GIGYF1: variants seen among roughly 807,000 people sequenced by gnomAD.
The protein encoded by GIGYF1 is GRB10 interacting GYF protein 1.
Under a neutral mutation model 147.1 loss-of-function variants are expected in GIGYF1, and 84 were observed. The ratio of observed to expected loss-of-function variants is 0.57; its 90% CI spans 0.48 to 0.68. GIGYF1 has a LOEUF of 0.68. Ranked by LOEUF, GIGYF1 falls within the 30% of genes least tolerant of loss-of-function variation. GIGYF1 has a pLI of 0.00. For missense variants in GIGYF1, 1,485 were observed against 1,393.7 expected, an observed-to-expected ratio of 1.07 and a Z score of -1.04; for synonymous variants, 752 against 589.5, an observed-to-expected ratio of 1.28 and a Z score of -3.99.
At chr7:100,686,155 C>T (rs1312825291) in intron 11 of GIGYF1, 25 bp downstream of exon 11, 5 of 1,601,536 alleles carry the variant, frequency 3.1e-6, no homozygotes, top group Non-Finnish European at 4.3e-6. Context: ...AGGGCAGGTT[C>T]CCACCCTCGC....
chr7:100,688,324 G>T lies in GIGYF1; in HGVS notation c.-69-17C>A. On this transcript the variant is annotated splice_polypyrimidine_tract_variant and intron_variant, in intron 3 of 26. Transcript: ENST00000678049. The stretch of plus-strand genomic sequence containing the variant: ...TCCAAACACCTGTGGGGGAACAGGG[G>T]CCATGAAGAACAGCACACGAAGGAG... 8.8e-7 allele frequency: 1 copy of T among 1,131,080 alleles called. No homozygotes were observed. Among genetic ancestry groups the T allele is most frequent in the Non-Finnish European group, 1.3e-6 (1 of 762,836 alleles). 70.1% of individuals were successfully genotyped at this position (1,131,080 alleles called of 1,614,324 possible). A position where few individuals can be genotyped will look rare whatever the true frequency, so the allele number is the denominator to read the frequency against.
At position 100,684,173 on chromosome 7, in the gene GIGYF1, T is replaced by C. The variant is rs747416616; in HGVS notation, c.1731-16A>G. ...GAGCTGGCGGCTGCAAATGGGACAG[T>C]GGAGATGGTGGGCCACAGAGCCAGC... On this transcript the variant is annotated splice_polypyrimidine_tract_variant and intron_variant, in intron 17 of 26. Coordinates refer to ENST00000678049, the MANE Select transcript of GIGYF1 (RefSeq NM_001375765.1). The C allele has an allele frequency of 3.0e-5, 49 of 1,608,986 alleles. No homozygotes were observed. Among genetic ancestry groups the C allele is most frequent in the Non-Finnish European group, 3.7e-5 (44 of 1,179,170 alleles).
At chr7:100,688,402 A>G in intron 3 of GIGYF1, 49 bp downstream of exon 3, 2 of 713,758 alleles carry the variant, frequency 2.8e-6, no homozygotes, top group Admixed American at 2.1e-5. Flanking sequence ...GGGCACAACA[A>G]TGGGCCCCGG....
chr7:100,686,163 C>T lies in GIGYF1; in HGVS notation c.948+17G>A, dbSNP rs200547918. 266 of 1,602,630 alleles carry T rather than the reference C, an allele frequency of 1.7e-4. No individual in the cohort carries two copies. In the Admixed American group the frequency reaches 4.1e-3, roughly 25 times the overall value. On this transcript the variant is annotated intron_variant, in intron 11 of 26. Transcript: ENST00000678049. ...CCCCGGAAGGGCAGGTTCCCACCCTCGCCTCCTCACAGATACCTTGAGAGG... is the reference window on the plus strand; with the variant it reads ...CCCCGGAAGGGCAGGTTCCCACCCTTGCCTCCTCACAGATACCTTGAGAGG...
intron 10 of GIGYF1, 53 bp from the exon 11 acceptor site, chr7:100,686,486 G>C: frequency 6.5e-7 from 1 of 1,534,804 alleles, no homozygotes; most frequent in Non-Finnish European, 8.7e-7. Context: ...CGAAGCCAGC[G>C]GCCCCCTCTG....
rs758582290 is a variant in GIGYF1 at position 100,682,462 on chromosome 7, G to A, written c.2621C>T (p.Ser874Leu). The change falls in exon 24 of 27, where the codon TCG becomes TTG. Residue 874 changes from serine (S) to leucine (L), a missense_variant. Physicochemically the swap from Ser to Leu is moderately radical, Grantham distance 145. Transcript: ENST00000678049. ...CGTCTTTTTGCGAATGGGCCGACCC[G>A]ATAGGTGGCTGTATGAGTCACTGAA... ...PSLSDSYSHL[S>L]GRPIRKKTEE... 11 of 1,612,820 alleles carry A rather than the reference G, an allele frequency of 6.8e-6. No individual in the cohort carries two copies. Among genetic ancestry groups the A allele is most frequent in the East Asian group, 2.2e-5 (1 of 44,876 alleles).
At position 100,684,148 on chromosome 7, in the gene GIGYF1, G is replaced by A. The variant is rs1273713236; in HGVS notation, c.1740C>T (p.Leu580=). 1.9e-6 allele frequency: 3 copies of A among 1,608,572 alleles called. No individual in the cohort carries two copies. Among genetic ancestry groups the A allele is most frequent in the East Asian group, 2.2e-5 (1 of 44,866 alleles). ...CCTTTTCTCGGAGCGCGCACTGTGG[G>A]AGCTGGCGGCTGCAAATGGGACAGT... ...QFLQLVSSRQ[L]PQCALREKAA... Residue 580 remains leucine, a synonymous_variant, in exon 18 of 27, where the codon CTC becomes CTT. Transcript: ENST00000678049.
At position 100,692,428 on chromosome 7, in the gene GIGYF1, A is replaced by G. The variant is rs114328852; in HGVS notation, c.-1099+1682T>C. ...GACAGCGTGCCCCGACATCCTTGAC[A>G]CTATGCAAGACTGGAGGTGCGCACG... On this transcript the variant is annotated intron_variant, in intron 1 of 26. Coordinates refer to ENST00000678049, the MANE Select transcript of GIGYF1 (RefSeq NM_001375765.1). Among the ~76,000 whole-genome samples, 839 of 152,328 alleles carry G rather than the reference A, an allele frequency of 5.5e-3. 8 individuals carry two copies. The highest frequency in any genetic ancestry group is 0.019 in the African/African-American group (775 of 41,572).
At position 100,683,084 on chromosome 7, in the gene GIGYF1, C is replaced by T. The variant is rs1181744351; in HGVS notation, c.2340G>A (p.Glu780=). The T allele has an allele frequency of 6.3e-7, 1 of 1,586,140 alleles. No individual in the cohort carries two copies. ...GCTGTTTGTGCAGCTGCCGCTCGCC[C>T]TCCAGCTGCAACTCCAGGAGCGTCT... is the stretch of plus-strand genomic sequence containing the variant. ...SMKTLLELQL[E]GERQLHKQPP... is the part of the protein sequence containing the mutation. The change falls in exon 22 of 27, where the codon GAG becomes GAA. Residue 780 remains glutamate, a synonymous_variant. Transcript: ENST00000678049.
chr7:100,685,326 G>A lies in GIGYF1; in HGVS notation c.1192+18C>T. 6.3e-7 allele frequency: 1 copy of A among 1,581,140 alleles called. No individual in the cohort carries two copies. The highest frequency in any genetic ancestry group is 2.3e-5 in the East Asian group (1 of 44,426). ...CAGCCCCAGCGCACCCGGGAGGTAG[G>A]CCATCCTCCCTTCCTACCTTCGGCC... On this transcript the variant is annotated intron_variant, in intron 13 of 26. Transcript: ENST00000678049.
At position 100,684,138 on chromosome 7, in the gene GIGYF1, C is replaced by T. The variant is rs776784807; in HGVS notation, c.1750G>A (p.Ala584Thr). The T allele has an allele frequency of 2.9e-5, 47 of 1,608,788 alleles. No individual in the cohort carries two copies. Among genetic ancestry groups the T allele is most frequent in the Middle Eastern group, 1.7e-4 (1 of 6,004 alleles). ...CCCAGAGCTGCCTTTTCTCGGAGCG[C>T]GCACTGTGGGAGCTGGCGGCTGCAA... ...LVSSRQLPQC[A>T]LREKAALGDL... is the part of the protein sequence containing the mutation. Residue 584 changes from alanine to threonine, a missense_variant, in exon 18 of 27, where the codon GCG becomes ACG. Transcript: ENST00000678049.
Position 100,687,508 on chromosome 7 carries a change from G to C in GIGYF1, c.370C>G (p.Arg124Gly). 3.1e-6 allele frequency: 5 copies of C among 1,611,140 alleles called. No homozygotes were observed. Among genetic ancestry groups the C allele is most frequent in the Non-Finnish European group, 4.2e-6 (5 of 1,178,940 alleles). Residue 124 changes from arginine to glycine, a missense_variant, in exon 7 of 27, where the codon CGA becomes GGA. Coordinates refer to ENST00000678049, the MANE Select transcript of GIGYF1 (RefSeq NM_001375765.1). ...GGACACGCCATCACCCCTCTACCTCGGCTCCGCGTGCTGCCCCTGCCTCGG... is the reference window on the plus strand; with the variant it reads ...GGACACGCCATCACCCCTCTACCTCCGCTCCGCGTGCTGCCCCTGCCTCGG... The part of the protein sequence containing the change: ...TSRGRGSTRS[R>G]GRGRGDSCFY...
intron 14 of GIGYF1, 77 bp from the exon 15 acceptor site, chr7:100,684,971 A>G (rs1315538498): frequency 1.3e-6 from 2 of 1,556,198 alleles, no homozygotes; most frequent in African/African-American, 3.5e-5. Context: ...ATGGAGCTTG[A>G]GCTGGGGCCG....
In GIGYF1 at chr7:100,687,496, C is replaced by T. The variant is rs752785998; in HGVS notation, c.373+9G>A. On this transcript the variant is annotated intron_variant, in intron 7 of 26. Transcript: ENST00000678049. ...TGCCCGTCCCCAGGACACGCCATCA[C>T]CCCTCTACCTCGGCTCCGCGTGCTG... 7.5e-6 allele frequency: 12 copies of T among 1,609,960 alleles called. No homozygotes were observed. Among genetic ancestry groups the T allele is most frequent in the Non-Finnish European group, 1.0e-5 (12 of 1,178,024 alleles).
intron 10 of GIGYF1, 92 bp from the exon 11 acceptor site, chr7:100,686,525 G>C: frequency 6.6e-7 from 1 of 1,518,186 alleles, no homozygotes. Context: ...CTCCAGGGCT[G>C]CTGTCCCGGC....
At position 100,681,660 on chromosome 7, in the gene GIGYF1, C is replaced by G. The variant is rs1447243037; in HGVS notation, c.*59G>C. The stretch of plus-strand genomic sequence containing the variant: ...CGGGGAGCCTGCAGGCTGGGACCCT[C>G]GGTCCACGCCGCTGTGGCTGCCCTG... On this transcript the variant is annotated 3_prime_UTR_variant, in exon 27 of 27. Transcript: ENST00000678049. The G allele has an allele frequency of 6.8e-7, 1 of 1,474,432 alleles. No individual in the cohort carries two copies. Among genetic ancestry groups the G allele is most frequent in the Admixed American group, 2.3e-5 (1 of 42,816 alleles). 91.3% of individuals were successfully genotyped at this position (1,474,432 alleles called of 1,614,324 possible).
At chr7:100,682,878 G>T (rs959267099) in intron 22 of GIGYF1, 101 bp from the exon 23 acceptor site, 2 of 1,309,834 alleles carry the variant, frequency 1.5e-6, no homozygotes, top group Non-Finnish European at 2.1e-6. Flanking sequence ...TGAGGTGAGG[G>T]CCACAAGAGC....
Position 100,684,303 on chromosome 7 carries a change from T to C in GIGYF1, c.1664A>G (p.Gln555Arg), listed in dbSNP as rs753191004. The part of the protein sequence containing the change: ...NMDQERLKKQ[Q>R]ELAAAALYQQ... ...GTACAAGGCCGCCGCGGCCAGCTCC[T>C]GTTGCTTCTTCAGCCGCTCCTGGTC... The change falls in exon 17 of 27, where the codon CAG becomes CGG. Residue 555 changes from glutamine (Q) to arginine (R), a missense_variant. Physicochemically the swap from Gln to Arg is conservative, Grantham distance 43. Coordinates refer to ENST00000678049, the MANE Select transcript of GIGYF1 (RefSeq NM_001375765.1). The C allele has an allele frequency of 6.2e-7, 1 of 1,602,274 alleles. No individual in the cohort carries two copies.
rs571046762 is a variant in GIGYF1, at chr7:100,682,645, C to T, written c.2545G>A (p.Gly849Arg). The change falls in exon 23 of 27, where the codon GGG (glycine) becomes AGG (arginine). Residue 849 changes from glycine (G) to arginine (R), a missense_variant. Gly to Arg is a moderately radical substitution (Grantham distance 125, BLOSUM62 -2). Coordinates refer to ENST00000678049, the MANE Select transcript of GIGYF1 (RefSeq NM_001375765.1). ...GLWEDTPKSG[G>R]SLVRGLGLKN... is the part of the protein sequence containing the mutation. Reference sequence around the variant, plus strand: ...AGGCCGAGGCCACGGACCAGGCTCCCGCCGCTCTTGGGGGTGTCCTCCCAG... The same window carrying T: ...AGGCCGAGGCCACGGACCAGGCTCCTGCCGCTCTTGGGGGTGTCCTCCCAG... 2.1e-5 allele frequency: 33 copies of T among 1,604,152 alleles called. No homozygotes were observed. The highest frequency in any genetic ancestry group is 1.1e-4 in the African/African-American group (8 of 74,968).
Sources: gnomAD v4.1 joint callset for allele counts (sites outside exome capture counted in the v4.1 genomes callset) on GRCh38, gnomAD v4.1.1 for gene constraint, MANE v1.5 for transcripts, NCBI Gene and HGNC (gene_info 2026-07-23, HGNC 2026-07-21) for gene names.